Variants in DNAJC24 observed in about 807,000 individuals in gnomAD.
DNAJC24 encodes dnaJ homolog subfamily C member 24.
DNAJC24 carries 17 observed loss-of-function variants against 18.0 expected under a neutral mutation model. The observed-to-expected ratio is 0.94, with a 90% CI of 0.65 to 1.42. The LOEUF is 1.42. Among genes scored for constraint, DNAJC24 ranks in the 40% most tolerant of loss-of-function variants. The pLI, the probability that DNAJC24 is intolerant of heterozygous loss-of-function variation, is 0.00. For missense variants in DNAJC24, 158 were observed against 175.6 expected, an observed-to-expected ratio of 0.90 and a Z score of 0.57; for synonymous variants, 55 against 57.7, an observed-to-expected ratio of 0.95 and a Z score of 0.21.
chr11:31,426,657 A>G (rs1952865152), intron 4 of DNAJC24: 1 of 234,528 alleles, frequency 4.3e-6, no homozygotes, highest in Non-Finnish European at 8.1e-6. Flanking sequence ...ATTACTGTCT[A>G]TGTAGTATTG....
intron 2 of DNAJC24, among the ~76,000 whole-genome samples, chr11:31,403,745 C>T (rs1434506146): frequency 1.3e-5 from 2 of 151,986 alleles, no homozygotes; most frequent in Admixed American, 6.6e-5. Context: ...AACTCAGGGC[C>T]GTATATTAAG....
In DNAJC24 at chr11:31,432,576, A is replaced by T. The variant is rs759966128; in HGVS notation, c.*2175A>T. On this transcript the variant is annotated 3_prime_UTR_variant, in exon 5 of 5. Transcript: ENST00000465995. ...ATCACTCAGAGGCCAAATCTGTAAAATCAAAATGAGGTTGAAGACAATTAG... is the reference window on the plus strand; with the variant it reads ...ATCACTCAGAGGCCAAATCTGTAAATTCAAAATGAGGTTGAAGACAATTAG... The T allele has an allele frequency of 3.7e-6, 6 of 1,601,580 alleles. No individual in the cohort carries two copies. The Admixed American group carries it at 1.0e-4, about 27-fold the overall frequency.
intron 2 of DNAJC24, among the ~76,000 whole-genome samples, chr11:31,406,092 A>G (rs565002439): frequency 1.3e-5 from 2 of 152,276 alleles, no homozygotes; most frequent in South Asian, 4.1e-4. Flanking sequence ...CATAGCAGCT[A>G]CAAATCCTTT....
intron 2 of DNAJC24, among the ~76,000 whole-genome samples, chr11:31,390,483 G>A (rs188717674): frequency 1.1e-4 from 17 of 151,342 alleles, no homozygotes; most frequent in African/African-American, 3.9e-4. Flanking sequence ...CAAGGGGAGC[G>A]GATCACAAGG....
intron 2 of DNAJC24, among the ~76,000 whole-genome samples, chr11:31,371,814 CTTTTTTTT>C (rs1196949855): frequency 1.1e-4 from 8 of 73,842 alleles, no homozygotes; most frequent in African/African-American, 3.3e-4. Context: ...TATCAGTTGA[CTTTTTTTT>C]TTTTTTTTTT....
chr11:31,426,195 T>C, intron 3 of DNAJC24, 92 bp from the exon 4 acceptor site: 2 of 759,662 alleles, frequency 2.6e-6, no homozygotes, highest in Non-Finnish European at 4.3e-6. Flanking sequence ...AGAATTGTAG[T>C]GGCCAGGCTG....
chr11:31,415,789 G>A (rs577671377), intron 3 of DNAJC24: 7 of 152,328 alleles, frequency 4.6e-5, no homozygotes, highest in African/African-American at 2.4e-5. Context: ...AAGCTGTCTC[G>A]TAGTCGCTTA....
intron 2 of DNAJC24, among the ~76,000 whole-genome samples, chr11:31,372,122 C>T (rs1055154527): frequency 2.6e-4 from 40 of 151,572 alleles, no homozygotes; most frequent in Non-Finnish European, 4.1e-4. Flanking sequence ...TGCACCCGGC[C>T]GACTCTTTTT....
At chr11:31,421,243 T>C (rs775870863) in intron 3 of DNAJC24, among the ~76,000 whole-genome samples, 1 of 152,180 alleles carries the variant, frequency 6.6e-6, no homozygotes, top group Non-Finnish European at 1.5e-5. Flanking sequence ...TGTAATTATG[T>C]ATAGTGAAGT....
chr11:31,395,161 C>T (rs1035470502), intron 2 of DNAJC24, among the ~76,000 whole-genome samples: 2 of 152,182 alleles, frequency 1.3e-5, no homozygotes, highest in African/African-American at 4.8e-5. Context: ...TATTAGTGCA[C>T]TTAGGAGAGT....
chr11:31,408,267 G>A (rs534801374), intron 2 of DNAJC24: 14 of 451,062 alleles, frequency 3.1e-5, no homozygotes, highest in Middle Eastern at 3.3e-4. Context: ...TTTAGCACGC[G>A]TAACAGTTGC....
At position 31,376,053 on chromosome 11, in the gene DNAJC24, G is replaced by A. The variant is rs1166130608; in HGVS notation, c.111+5194G>A. Among the ~76,000 whole-genome samples, 6 of 84,656 alleles carry A rather than the reference G, an allele frequency of 7.1e-5. 2 individuals carry two copies. The highest frequency in any genetic ancestry group is 2.1e-4 in the Non-Finnish European group (6 of 28,870). 55.5% of individuals were successfully genotyped at this position (84,656 alleles called of 152,430 possible). A position where few individuals can be genotyped will look rare whatever the true frequency, so the allele number is the denominator to read the frequency against. Reference sequence around the variant, plus strand: ...CAGTGGGAGATAATTGAATCATGGGGTGGCGAGGAGGGGGTTCCCCCATAT... The same window carrying A: ...CAGTGGGAGATAATTGAATCATGGGATGGCGAGGAGGGGGTTCCCCCATAT... On this transcript the variant is annotated intron_variant, in intron 2 of 4. Transcript: ENST00000465995.
Position 31,408,746 on chromosome 11 carries a change from T to G in DNAJC24, c.112-6065T>G, listed in dbSNP as rs552755869. ...GTTAGTTTTTCTTATTCTCAATGAA[T>G]GATATGGTAATTTAAAGAAGAATTT... On this transcript the variant is annotated intron_variant, in intron 2 of 4. Coordinates refer to ENST00000465995, the MANE Select transcript of DNAJC24 (RefSeq NM_181706.5). Among the ~76,000 whole-genome samples the G allele has an allele frequency of 3.3e-5, 5 of 152,300 alleles. No individual in the cohort carries two copies. The South Asian group carries it at 1.0e-3, about 32-fold the overall frequency.
intron 2 of DNAJC24, among the ~76,000 whole-genome samples, chr11:31,390,132 G>A (rs1952475835): frequency 6.6e-6 from 1 of 152,166 alleles, no homozygotes; most frequent in Non-Finnish European, 1.5e-5. Flanking sequence ...GGGCACAGTG[G>A]CTCACGCCTG....
At chr11:31,399,588 A>G (rs1206624063) in intron 2 of DNAJC24, among the ~76,000 whole-genome samples, 2 of 151,376 alleles carry the variant, frequency 1.3e-5, no homozygotes, top group Non-Finnish European at 2.9e-5. Flanking sequence ...TAATTTTTGT[A>G]TTTTTAGTAG....
chr11:31,414,942 G>A lies in DNAJC24; in HGVS notation c.243G>A (p.Gln81=). Residue 81 remains glutamine, a synonymous_variant, in exon 3 of 5, where the codon CAG becomes CAA. Coordinates refer to ENST00000465995, the MANE Select transcript of DNAJC24 (RefSeq NM_181706.5). ...NEETKREYDL[Q]RCEDDLRNVG... is the part of the protein sequence containing the mutation. ...AGACAAAAAGAGAGTATGACCTGCAGCGGTGTGGTAGGTGCTTGTGTTGAG... is the reference window on the plus strand; with the variant it reads ...AGACAAAAAGAGAGTATGACCTGCAACGGTGTGGTAGGTGCTTGTGTTGAG... 2 of 1,613,386 alleles carry A rather than the reference G, an allele frequency of 1.2e-6. No individual in the cohort carries two copies. The highest frequency in any genetic ancestry group is 1.7e-6 in the Non-Finnish European group (2 of 1,179,798).
At chr11:31,381,485 G>A (rs1055879969) in intron 2 of DNAJC24, among the ~76,000 whole-genome samples, 1 of 151,988 alleles carries the variant, frequency 6.6e-6, no homozygotes, top group African/African-American at 2.4e-5. Context: ...TTGGTGTGGT[G>A]TGTAGGATAA....
chr11:31,417,542 C>CT, intron 3 of DNAJC24, among the ~76,000 whole-genome samples: 1 of 152,052 alleles, frequency 6.6e-6, no homozygotes, highest in East Asian at 1.9e-4. Context: ...TCAAAGCACT[C>CT]TTTTTTTCTG....
In DNAJC24 at chr11:31,414,107, A is replaced by C. The variant is rs139708952; in HGVS notation, c.112-704A>C. Among the ~76,000 whole-genome samples, 492 of 152,296 alleles carry C rather than the reference A, an allele frequency of 3.2e-3. 2 individuals are homozygous for C. The highest frequency in any genetic ancestry group is 0.011 in the African/African-American group (447 of 41,566). On this transcript the variant is annotated intron_variant, in intron 2 of 4. Coordinates refer to ENST00000465995, the MANE Select transcript of DNAJC24 (RefSeq NM_181706.5). ...CTTCTGGTTTTGACCCAGTAGTATAAATAAATTACTGCATATTGAAAACAA... is the reference window on the plus strand; with the variant it reads ...CTTCTGGTTTTGACCCAGTAGTATACATAAATTACTGCATATTGAAAACAA...
Sources: gnomAD v4.1 joint callset for allele counts (sites outside exome capture counted in the v4.1 genomes callset) on GRCh38, gnomAD v4.1.1 for gene constraint, MANE v1.5 for transcripts, NCBI Gene and HGNC (gene_info 2026-07-23, HGNC 2026-07-21) for gene names.